Variants in GATAD2A observed in about 807,000 individuals in gnomAD.
GATAD2A encodes GATA zinc finger domain containing 2A.
GATAD2A carries 12 observed loss-of-function variants against 68.5 expected under a neutral mutation model. The ratio of observed to expected loss-of-function variants is 0.18; its 90% CI spans 0.11 to 0.28. GATAD2A has a LOEUF of 0.28. Among genes scored for constraint, GATAD2A ranks in the 10% least tolerant of loss-of-function variants. The pLI is 1.00. For missense variants in GATAD2A, 755 were observed against 868.5 expected, an observed-to-expected ratio of 0.87 and a Z score of 1.64; for synonymous variants, 410 against 375.3, an observed-to-expected ratio of 1.09 and a Z score of -1.07.
At chr19:19,434,843 A>T (rs1304837845) in intron 1 of GATAD2A, among the ~76,000 whole-genome samples, 1 of 152,176 alleles carries the variant, frequency 6.6e-6, no homozygotes, top group Non-Finnish European at 1.5e-5. Flanking sequence ...ACAGCATCCC[A>T]TGGGGATGAC....
intron 11 of GATAD2A, among the ~76,000 whole-genome samples, chr19:19,502,999 C>T (rs1398306120): frequency 1.3e-5 from 2 of 152,086 alleles, no homozygotes; most frequent in African/African-American, 4.8e-5. Context: ...CTGGCTCACC[C>T]GGGGCAGGTA....
At chr19:19,452,268 G>T (rs1428645633) in intron 1 of GATAD2A, among the ~76,000 whole-genome samples, 1 of 152,082 alleles carries the variant, frequency 6.6e-6, no homozygotes, top group African/African-American at 2.4e-5. Flanking sequence ...TCTTCTTGTT[G>T]CCCTTGGCTT....
chr19:19,412,259 C>T (rs1342876893), intron 1 of GATAD2A, among the ~76,000 whole-genome samples: 2 of 151,660 alleles, frequency 1.3e-5, no homozygotes, highest in African/African-American at 2.4e-5. Flanking sequence ...GGGTTCATGC[C>T]ATTCTCCTGC....
intron 2 of GATAD2A, among the ~76,000 whole-genome samples, chr19:19,491,604 G>C (rs929542729): frequency 7.9e-5 from 12 of 152,206 alleles, no homozygotes; most frequent in African/African-American, 2.9e-4. Flanking sequence ...AAGAGTCTCT[G>C]GTCTTTGAGA....
intron 1 of GATAD2A, among the ~76,000 whole-genome samples, chr19:19,425,522 A>G (rs544927143): frequency 3.7e-4 from 57 of 152,322 alleles, no homozygotes; most frequent in African/African-American, 1.4e-3. Context: ...TACTCTATTC[A>G]GGAGCACTTG....
chr19:19,447,174 A>G (rs760499593), intron 1 of GATAD2A, among the ~76,000 whole-genome samples: 2 of 152,150 alleles, frequency 1.3e-5, no homozygotes, highest in Admixed American at 6.5e-5. Flanking sequence ...CCTGGGGGGC[A>G]TGTGTGGAGG....
chr19:19,405,834 C>CGGCGGCGCG lies in GATAD2A; in HGVS notation c.-186_-178dup, dbSNP rs2050158385. 2.0e-5 allele frequency: 3 copies of CGGCGGCGCG among 147,786 alleles called. No individual in the cohort carries two copies. The highest frequency in any genetic ancestry group is 4.1e-4 in the South Asian group (2 of 4,826). The allele number at this position is 147,786 out of a possible 1,614,324, so 9.2% of individuals were successfully genotyped here. A position where few individuals can be genotyped will look rare whatever the true frequency, so the allele number is the denominator to read the frequency against. ...GCGGCCGAGGGGCGCATTATCTGGC[C>CGGCGGCGCG]GGCGGCGCGGGCGGGCGGGCGGACC... On this transcript the variant is annotated 5_prime_UTR_variant, in exon 1 of 12. Coordinates refer to ENST00000683918, the MANE Select transcript of GATAD2A (RefSeq NM_001384528.1).
At chr19:19,500,736 C>G (rs1042278738) in intron 8 of GATAD2A, among the ~76,000 whole-genome samples, 1 of 152,242 alleles carries the variant, frequency 6.6e-6, no homozygotes, top group South Asian at 2.1e-4. Flanking sequence ...CTCATCAGGA[C>G]ATGGCGCATT....
chr19:19,490,276 G>A (rs1312055336), intron 2 of GATAD2A, among the ~76,000 whole-genome samples: 1 of 152,152 alleles, frequency 6.6e-6, no homozygotes, highest in African/African-American at 2.4e-5. Flanking sequence ...AAGTAAAGCG[G>A]TTCCTGAGTC....
chr19:19,498,747 C>T (rs1176397881), intron 8 of GATAD2A, 25 bp downstream of exon 8: 2 of 1,578,358 alleles, frequency 1.3e-6, no homozygotes, highest in Middle Eastern at 1.7e-4. Flanking sequence ...CCCAGCCGGG[C>T]TGCTTCCGCC....
upstream of GATAD2A, chr19:19,401,860 C>T (rs1432684892): frequency 6.6e-6 from 1 of 152,138 alleles, no homozygotes; most frequent in African/African-American, 2.4e-5. Flanking sequence ...CAGACATAAA[C>T]ATGGAATTTG....
intron 1 of GATAD2A, among the ~76,000 whole-genome samples, chr19:19,411,074 C>CA (rs1335181318): frequency 1.3e-5 from 2 of 152,230 alleles, no homozygotes; most frequent in Admixed American, 1.3e-4. Context: ...TCACTGTCTG[C>CA]ATGCCCCCTT....
intron 11 of GATAD2A, among the ~76,000 whole-genome samples, chr19:19,504,640 C>CTTTTT (rs36052091): frequency 2.2e-5 from 3 of 137,160 alleles, no homozygotes; most frequent in Admixed American, 7.4e-5. Context: ...TTTTTTTTTC[C>CTTTTT]TTTTTTTTTT....
upstream of GATAD2A, among the ~76,000 whole-genome samples, chr19:19,405,531 C>T (rs1170909609): frequency 6.6e-6 from 1 of 152,046 alleles, no homozygotes; most frequent in Non-Finnish European, 1.5e-5. Flanking sequence ...AACGAGGTGT[C>T]GCGTGGGAGC....
chr19:19,410,546 G>C (rs186016784), intron 1 of GATAD2A, among the ~76,000 whole-genome samples: 1 of 152,354 alleles, frequency 6.6e-6, no homozygotes, highest in East Asian at 1.9e-4. Context: ...TGCGTGGCCT[G>C]CCTTGCCGGT....
chr19:19,401,330 C>T (rs2049726343), upstream of GATAD2A, among the ~76,000 whole-genome samples: 1 of 150,714 alleles, frequency 6.6e-6, no homozygotes, highest in Non-Finnish European at 1.5e-5. Flanking sequence ...TCTCCTGCCT[C>T]AGCCTCCCGA....
intron 1 of GATAD2A, among the ~76,000 whole-genome samples, chr19:19,414,470 G>A (rs1210398187): frequency 1.3e-5 from 2 of 150,168 alleles, no homozygotes; most frequent in Non-Finnish European, 3.0e-5. Flanking sequence ...TTTTGTTTTA[G>A]CTTCCTTCTT....
intron 2 of GATAD2A, among the ~76,000 whole-genome samples, chr19:19,467,520 T>C (rs2057966857): frequency 6.6e-6 from 1 of 152,230 alleles, no homozygotes; most frequent in African/African-American, 2.4e-5. Context: ...ATATACTATG[T>C]ACCTTTTATC....
At chr19:19,392,609 C>G (rs2048929193) in intron 1 of GATAD2A, among the ~76,000 whole-genome samples, 1 of 151,402 alleles carries the variant, frequency 6.6e-6, no homozygotes, top group Non-Finnish European at 1.5e-5. Flanking sequence ...CCAAGCTGGT[C>G]TCGAATCCCT....
Sources: allele counts gnomAD v4.1 joint callset (sites outside exome capture counted in the v4.1 genomes callset), GRCh38; gene constraint gnomAD v4.1.1; transcripts MANE v1.5; gene names NCBI Gene and HGNC (gene_info 2026-07-23, HGNC 2026-07-21).